Variants in CSMD3 observed in about 807,000 individuals in gnomAD.
CSMD3 encodes the protein CUB and sushi domain-containing protein 3.
CSMD3 carries 177 observed loss-of-function variants against 435.2 expected under a neutral mutation model. The ratio of observed to expected loss-of-function variants is 0.41; its 90% confidence interval spans 0.36 to 0.46. CSMD3 has a LOEUF of 0.46. CSMD3 is among the 20% of genes least tolerant of loss of function. The pLI, the probability that CSMD3 is intolerant of heterozygous loss-of-function variation, is 0.34. For synonymous variants in CSMD3, 1,656 were observed against 1,520.5 expected (o/e 1.09, Z -2.07); for missense variants, 4,265 against 4,504.6 (o/e 0.95, Z 1.52).
In CSMD3 at chr8:113,277,068, TTAAAC is replaced by T. The variant is rs561026448; in HGVS notation, c.514+1519_514+1523del. On this transcript the variant is annotated intron_variant, in intron 3 of 70. Coordinates refer to ENST00000297405, the MANE Select transcript of CSMD3 (RefSeq NM_198123.2). ...AATATATTTAGTACTTCCTGAAAGC[TTAAAC>T]TAATCTAAAAATATCTTTATATTTT... Among the ~76,000 whole-genome samples, 15 of 152,146 alleles carry T rather than the reference TTAAAC, an allele frequency of 9.9e-5. No homozygotes were observed. The South Asian group carries it at 3.1e-3, about 31-fold the overall frequency.
intron 13 of CSMD3, among the ~76,000 whole-genome samples, chr8:112,791,050 C>T (rs371471251): frequency 1.3e-5 from 2 of 152,146 alleles, no homozygotes; most frequent in African/African-American, 4.8e-5. Flanking sequence ...AGGCCAGGCA[C>T]GGTGGCTCAC....
chr8:112,519,199 C>A (rs1265071772), intron 27 of CSMD3, among the ~76,000 whole-genome samples: 2 of 152,100 alleles, frequency 1.3e-5, no homozygotes, highest in Non-Finnish European at 2.9e-5. Context: ...TAAAACACAT[C>A]TTTGTTTTAT....
At chr8:113,003,652 G>C (rs554557601) in intron 6 of CSMD3, among the ~76,000 whole-genome samples, 1 of 152,096 alleles carries the variant, frequency 6.6e-6, no homozygotes, top group African/African-American at 2.4e-5. Context: ...TCAGGAATCT[G>C]ATTTTTTTAG....
intron 24 of CSMD3, among the ~76,000 whole-genome samples, chr8:112,558,502 C>A (rs372387106): frequency 2.6e-5 from 4 of 151,762 alleles, no homozygotes; most frequent in Admixed American, 1.3e-4. Flanking sequence ...ACAGTTTTTA[C>A]GGGTTCTTTG....
At chr8:112,376,255 A>T (rs1456053511) in intron 38 of CSMD3, among the ~76,000 whole-genome samples, 1 of 152,118 alleles carries the variant, frequency 6.6e-6, no homozygotes, top group Non-Finnish European at 1.5e-5. Context: ...ATACTGTGAC[A>T]TGTCTATCTT....
chr8:112,902,043 G>A (rs1057126198), intron 10 of CSMD3, among the ~76,000 whole-genome samples: 1 of 151,232 alleles, frequency 6.6e-6, no homozygotes, highest in Non-Finnish European at 1.5e-5. Flanking sequence ...TCTCCCAAGT[G>A]AGAAGATCAT....
chr8:113,082,233 A>G (rs2089594383), intron 5 of CSMD3, among the ~76,000 whole-genome samples: 1 of 151,946 alleles, frequency 6.6e-6, no homozygotes, highest in Non-Finnish European at 1.5e-5. Context: ...GTGAGGATAG[A>G]CCCACCTGGG....
chr8:113,232,970 TAA>T (rs2093105647), intron 3 of CSMD3, among the ~76,000 whole-genome samples: 1 of 151,916 alleles, frequency 6.6e-6, no homozygotes, highest in African/African-American at 2.4e-5. Context: ...GTAATATTTT[TAA>T]AAGTCAGACT....
At chr8:112,390,084 A>T (rs13268959) in intron 36 of CSMD3, among the ~76,000 whole-genome samples, 1 of 152,234 alleles carries the variant, frequency 6.6e-6, no homozygotes, top group African/African-American at 2.4e-5. Context: ...ATTTGAGCCA[A>T]ATCATAGTAA....
chr8:112,990,338 G>A (rs939484399), intron 6 of CSMD3, among the ~76,000 whole-genome samples: 1 of 151,886 alleles, frequency 6.6e-6, no homozygotes, highest in Non-Finnish European at 1.5e-5. Context: ...GAGCAAAAAA[G>A]CATCTTGCCA....
At chr8:113,253,837 G>GAAAA (rs1158610148) in intron 3 of CSMD3, among the ~76,000 whole-genome samples, 1 of 126,412 alleles carries the variant, frequency 7.9e-6, no homozygotes, top group African/African-American at 2.9e-5. Flanking sequence ...GACTCCGTCT[G>GAAAA]AAAAAAAAAA....
At chr8:112,271,345 G>A (rs1817515828) in intron 59 of CSMD3, among the ~76,000 whole-genome samples, 1 of 152,074 alleles carries the variant, frequency 6.6e-6, no homozygotes, top group Non-Finnish European at 1.5e-5. Flanking sequence ...ATTCAAATTG[G>A]TAAATGCAGA....
intron 9 of CSMD3, among the ~76,000 whole-genome samples, chr8:112,933,152 A>C (rs2083169161): frequency 6.6e-6 from 1 of 152,084 alleles, no homozygotes; most frequent in Non-Finnish European, 1.5e-5. Context: ...AAAATTCAAG[A>C]AGTCTCTAAG....
intron 25 of CSMD3, 74 bp from the exon 26 acceptor site, chr8:112,552,794 G>T: frequency 7.4e-7 from 1 of 1,355,208 alleles, no homozygotes; most frequent in Non-Finnish European, 1.0e-6. Context: ...AATTTCTCAT[G>T]AGTAGACAAA....
chr8:113,112,474 T>TAC (rs10587896), intron 4 of CSMD3, among the ~76,000 whole-genome samples: 1,544 of 96,504 alleles, frequency 0.016, 34 homozygotes, highest in Middle Eastern at 0.031. Flanking sequence ...CACACACACG[T>TAC]ACACACACAC....
chr8:113,200,166 G>A (rs527907607), intron 3 of CSMD3, among the ~76,000 whole-genome samples: 1 of 151,846 alleles, frequency 6.6e-6, no homozygotes, highest in South Asian at 2.1e-4. Context: ...GGAGAAAGTT[G>A]GGAATTGTCC....
chr8:112,820,644 T>A (rs886518520), intron 12 of CSMD3, among the ~76,000 whole-genome samples: 10 of 150,852 alleles, frequency 6.6e-5, no homozygotes, highest in African/African-American at 2.4e-4. Flanking sequence ...GGCCTTAATT[T>A]TTTTTTTTTT....
chr8:112,825,840 T>C (rs764733178), intron 12 of CSMD3, among the ~76,000 whole-genome samples: 4 of 152,206 alleles, frequency 2.6e-5, no homozygotes, highest in African/African-American at 4.8e-5. Flanking sequence ...TCCTGTTTAA[T>C]GAAGCACTTT....
At chr8:112,724,956 T>C (rs1014653697) in intron 13 of CSMD3, among the ~76,000 whole-genome samples, 1 of 152,030 alleles carries the variant, frequency 6.6e-6, no homozygotes, top group African/African-American at 2.4e-5. Context: ...CTTAGCAATG[T>C]AGAGAACATT....
Sources: allele counts gnomAD v4.1 joint callset (sites outside exome capture counted in the v4.1 genomes callset), GRCh38; gene constraint gnomAD v4.1.1; transcripts MANE v1.5; gene names NCBI Gene and HGNC (gene_info 2026-07-23, HGNC 2026-07-21).